The following GRIN2A variants were observed in gnomAD, a reference collection of about 807,000 sequenced individuals.
GRIN2A encodes glutamate receptor ionotropic, NMDA 2A.
A neutral mutation model predicts 113.4 loss-of-function variants in GRIN2A; 22 were observed. That is an observed-to-expected ratio of 0.19 (90% CI 0.14 to 0.28). GRIN2A has a LOEUF of 0.28. Ranked by LOEUF, GRIN2A falls within the 10% of genes least tolerant of loss-of-function variation. The pLI is 1.00. For missense variants in GRIN2A, 1,502 were observed against 1,887.0 expected, an observed-to-expected ratio of 0.80 and a Z score of 3.78; for synonymous variants, 827 against 738.4, an observed-to-expected ratio of 1.12 and a Z score of -1.94.
chr16:9,959,988 A>T (rs2045402437), intron 2 of GRIN2A, among the ~76,000 whole-genome samples: 1 of 152,090 alleles, frequency 6.6e-6, no homozygotes, highest in South Asian at 2.1e-4. Context: ...AACAAACAAA[A>T]ACCATAGCAC....
At position 9,985,995 on chromosome 16, in the gene GRIN2A, TA is replaced by T. The variant is rs60068178; in HGVS notation, c.415-47445del. ...ACTTTATACTCACAAAAATTAGAAA[TA>T]AAAAACATTTTTAACTGATATTTTA... On this transcript the variant is annotated intron_variant, in intron 2 of 12. Coordinates refer to ENST00000330684, the MANE Select transcript of GRIN2A (RefSeq NM_001134407.3). Among the ~76,000 whole-genome samples, 307 of 152,144 alleles carry T rather than the reference TA, an allele frequency of 2.0e-3. 6 individuals carry two copies. The East Asian group carries it at 0.029, about 14-fold the overall frequency.
chr16:10,034,965 T>C (rs1247220468), intron 2 of GRIN2A, among the ~76,000 whole-genome samples: 1 of 152,208 alleles, frequency 6.6e-6, no homozygotes, highest in Non-Finnish European at 1.5e-5. Context: ...CCATTAAATA[T>C]AAACTCATCC....
intron 2 of GRIN2A, among the ~76,000 whole-genome samples, chr16:10,039,572 G>A (rs953998947): frequency 1.3e-5 from 2 of 151,996 alleles, no homozygotes; most frequent in African/African-American, 2.4e-5. Context: ...AGAACAGAGG[G>A]CAGCGAGGAC....
intron 3 of GRIN2A, among the ~76,000 whole-genome samples, chr16:9,923,786 T>A (rs1488404687): frequency 6.6e-6 from 1 of 152,188 alleles, no homozygotes; most frequent in Non-Finnish European, 1.5e-5. Context: ...GTTAGTATTT[T>A]TGTTTTAAAA....
At chr16:9,931,932 G>T (rs1457003159) in intron 3 of GRIN2A, among the ~76,000 whole-genome samples, 1 of 152,166 alleles carries the variant, frequency 6.6e-6, no homozygotes, top group Non-Finnish European at 1.5e-5. Context: ...AATTTCACCT[G>T]GGTCTATATG....
intron 2 of GRIN2A, 105 bp downstream of exon 2, chr16:10,179,893 C>CCCAAAAAAAAAA: frequency 2.8e-6 from 2 of 719,818 alleles, no homozygotes. Flanking sequence ...CCCCCACCCC[C>CCCAAAAAAAAAA]ACTTCACATC....
chr16:9,792,105 G>A (rs7193896), intron 11 of GRIN2A, among the ~76,000 whole-genome samples: 1 of 151,064 alleles, frequency 6.6e-6, no homozygotes, highest in African/African-American at 2.4e-5. Flanking sequence ...GTGTGTGTGT[G>A]TGTATCTTTC....
At chr16:10,165,146 T>A (rs1429425437) in intron 2 of GRIN2A, among the ~76,000 whole-genome samples, 1 of 152,114 alleles carries the variant, frequency 6.6e-6, no homozygotes, top group Admixed American at 6.5e-5. Context: ...TGGCAAAAAA[T>A]TGGGGAAAAT....
rs377611936 is a variant in GRIN2A, at chr16:10,100,206, A to C, written c.414+79792T>G. 1.8e-3 allele frequency among the ~76,000 whole-genome samples: 271 copies of C among 152,240 alleles called. 1 individual carries two copies. The highest frequency in any genetic ancestry group is 6.8e-3 in the Middle Eastern group (2 of 294). ...AAGTGCTTGGAAGGCCACAGAGACA[A>C]ATTTTATTCCTATCACCATAGCAAC... On this transcript the variant is annotated intron_variant, in intron 2 of 12. Coordinates refer to ENST00000330684, the MANE Select transcript of GRIN2A (RefSeq NM_001134407.3).
At chr16:10,178,604 C>A (rs1054153004) in intron 2 of GRIN2A, among the ~76,000 whole-genome samples, 4 of 152,196 alleles carry the variant, frequency 2.6e-5, no homozygotes, top group Non-Finnish European at 5.9e-5. Context: ...AAATGCTCAG[C>A]TACACACAGG....
At position 10,180,711 on chromosome 16, in the gene GRIN2A, C is replaced by A; in HGVS notation, c.-18-282G>T. On this transcript the variant is annotated intron_variant, in intron 1 of 12. Transcript: ENST00000330684. This position sits in a 1 kb window ranked among gnomAD's most constrained non-coding sequence, Gnocchi z 7.0. ...TCTCCAGGCACTTCCCCATCCCCAT[C>A]TCTGTCCATATCCCCCACCGCATTC... is the stretch of plus-strand genomic sequence containing the variant. The A allele has an allele frequency of 1.8e-6, 1 of 557,800 alleles. No homozygotes were observed. The highest frequency in any genetic ancestry group is 2.0e-5 in the South Asian group (1 of 49,844). The allele number at this position is 557,800 out of a possible 1,614,324, so 34.6% of individuals were successfully genotyped here. A position where few individuals can be genotyped will look rare whatever the true frequency, so the allele number is the denominator to read the frequency against.
At chr16:10,162,636 T>A (rs1190015068) in intron 2 of GRIN2A, among the ~76,000 whole-genome samples, 3 of 152,208 alleles carry the variant, frequency 2.0e-5, no homozygotes, top group African/African-American at 7.2e-5. Flanking sequence ...ACCAGTCATG[T>A]TGGGTTAAGG....
chr16:9,794,138 A>C (rs80334469), intron 11 of GRIN2A, among the ~76,000 whole-genome samples: 1,914 of 152,334 alleles, frequency 0.013, 39 homozygotes, highest in African/African-American at 0.044. Context: ...GACCACAGAC[A>C]ATTAGATGGA....
At position 9,757,643 on chromosome 16, in the gene GRIN2A, T is replaced by C. The variant is rs916273157; in HGVS notation, c.*5506A>G. 10 of 222,102 alleles carry C rather than the reference T, an allele frequency of 4.5e-5. No homozygotes were observed. Among genetic ancestry groups the C allele is most frequent in the Admixed American group, 2.9e-4 (5 of 17,400 alleles). 13.8% of individuals were successfully genotyped at this position (222,102 alleles called of 1,614,324 possible). A position where few individuals can be genotyped will look rare whatever the true frequency, so the allele number is the denominator to read the frequency against. ...AAGTCCTATTAGCTGGTCAATGTGCTTGGTTCTTCCTCAATGCATGATACA... is the reference window on the plus strand; with the variant it reads ...AAGTCCTATTAGCTGGTCAATGTGCCTGGTTCTTCCTCAATGCATGATACA... On this transcript the variant is annotated 3_prime_UTR_variant, in exon 13 of 13. Transcript: ENST00000330684.
intron 2 of GRIN2A, among the ~76,000 whole-genome samples, chr16:10,149,769 A>G (rs1281858633): frequency 6.6e-6 from 1 of 152,174 alleles, no homozygotes; most frequent in African/African-American, 2.4e-5. Flanking sequence ...CCTACTATCC[A>G]TGCAGCATCC....
intron 2 of GRIN2A, among the ~76,000 whole-genome samples, chr16:10,011,434 T>C (rs1156472909): frequency 6.6e-6 from 1 of 152,166 alleles, no homozygotes; most frequent in African/African-American, 2.4e-5. Flanking sequence ...TATTTCCTTT[T>C]GCCTTGGTGG....
chr16:10,084,825 G>T (rs1053977144), intron 2 of GRIN2A, among the ~76,000 whole-genome samples: 1 of 151,864 alleles, frequency 6.6e-6, no homozygotes, highest in East Asian at 1.9e-4. Flanking sequence ...GATATGGAGT[G>T]AGCTTAATGT....
chr16:10,099,273 G>A (rs148592253), intron 2 of GRIN2A, among the ~76,000 whole-genome samples: 66 of 152,168 alleles, frequency 4.3e-4, no homozygotes, highest in African/African-American at 1.4e-3. Context: ...TCAAAAGCTT[G>A]GTGTTTTCAT....
At chr16:9,833,704 C>T (rs13331561) in intron 8 of GRIN2A, among the ~76,000 whole-genome samples, 1,940 of 152,292 alleles carry the variant, frequency 0.013, 24 homozygotes, top group Non-Finnish European at 0.016. Flanking sequence ...TACAATGGTA[C>T]ACCAACGCAG....
Sources: gnomAD v4.1 joint callset for allele counts (sites outside exome capture counted in the v4.1 genomes callset) on GRCh38, gnomAD v4.1.1 for gene constraint, Gnocchi (gnomAD v3.1) non-coding constraint, MANE v1.5 for transcripts, NCBI Gene and HGNC (gene_info 2026-07-23, HGNC 2026-07-21) for gene names.